Variants in CREB5 observed in about 807,000 individuals in gnomAD.
CREB5 encodes cyclic AMP-responsive element-binding protein 5.
CREB5 carries 19 observed loss-of-function variants against 57.1 expected under a neutral mutation model. That is an observed-to-expected ratio of 0.33 (90% CI 0.23 to 0.49). The LOEUF is 0.49. Among genes scored for constraint, CREB5 ranks in the 20% least tolerant of loss-of-function variants. The pLI, the probability that CREB5 is intolerant of heterozygous loss-of-function variation, is 0.99. For synonymous variants in CREB5, 238 were observed against 238.3 expected, an observed-to-expected ratio of 1.00 and a Z score of 0.01; for missense variants, 579 against 671.6, an observed-to-expected ratio of 0.86 and a Z score of 1.52.
intron 5 of CREB5, among the ~76,000 whole-genome samples, chr7:28,655,897 T>G (rs1343071966): frequency 1.3e-5 from 2 of 152,178 alleles, no homozygotes; most frequent in Non-Finnish European, 2.9e-5. Context: ...CTGAGCTTTG[T>G]GCAGAGACTA....
chr7:28,391,094 G>A (rs1419391468), intron 1 of CREB5, among the ~76,000 whole-genome samples: 1 of 152,066 alleles, frequency 6.6e-6, no homozygotes, highest in Non-Finnish European at 1.5e-5. Flanking sequence ...CTAGCACATT[G>A]GCTATTCGTT....
intron 1 of CREB5, among the ~76,000 whole-genome samples, chr7:28,373,431 TTTTTTTC>T (rs1254114355): frequency 1.6e-5 from 2 of 126,530 alleles, no homozygotes; most frequent in Admixed American, 9.2e-5. Context: ...CTTCTTTTTC[TTTTTTTC>T]TTTTTTCTTT....
intron 1 of CREB5, among the ~76,000 whole-genome samples, chr7:28,485,294 G>A (rs1251791119): frequency 6.6e-6 from 1 of 151,930 alleles, no homozygotes; most frequent in Non-Finnish European, 1.5e-5. Context: ...TTCAGATGTA[G>A]GCCATAAATG....
intron 5 of CREB5, among the ~76,000 whole-genome samples, chr7:28,685,692 T>A: frequency 7.0e-6 from 1 of 143,170 alleles, no homozygotes; most frequent in South Asian, 2.2e-4. Flanking sequence ...TTAACCAGTA[T>A]TTTTTTTTTG....
chr7:28,665,535 A>G (rs1037792649), intron 5 of CREB5, among the ~76,000 whole-genome samples: 1 of 152,202 alleles, frequency 6.6e-6, no homozygotes, highest in Admixed American at 6.5e-5. Flanking sequence ...CAAATGCCCT[A>G]GTTTAAATGA....
At chr7:28,662,990 C>G (rs1263921193) in intron 5 of CREB5, among the ~76,000 whole-genome samples, 1 of 151,512 alleles carries the variant, frequency 6.6e-6, no homozygotes, top group African/African-American at 2.4e-5. Flanking sequence ...ACTAAAAATA[C>G]AAAAATTAGC....
intron 1 of CREB5, among the ~76,000 whole-genome samples, chr7:28,434,327 G>A (rs950785644): frequency 6.6e-6 from 1 of 151,982 alleles, no homozygotes; most frequent in African/African-American, 2.4e-5. Flanking sequence ...ATAATGATTC[G>A]ATTATTAATT....
intron 5 of CREB5, among the ~76,000 whole-genome samples, chr7:28,602,638 T>C (rs1468646018): frequency 6.6e-6 from 1 of 152,228 alleles, no homozygotes; most frequent in Non-Finnish European, 1.5e-5. Flanking sequence ...TGATTTCATT[T>C]ATATAACATT....
At chr7:28,473,621 G>T (rs1026890293) in intron 1 of CREB5, among the ~76,000 whole-genome samples, 1 of 152,222 alleles carries the variant, frequency 6.6e-6, no homozygotes, top group African/African-American at 2.4e-5. Flanking sequence ...TCTGACAGAA[G>T]ATGGGGAAGA....
chr7:28,318,989 G>A (rs947697186), intron 1 of CREB5, among the ~76,000 whole-genome samples: 4 of 152,128 alleles, frequency 2.6e-5, no homozygotes, highest in Admixed American at 6.5e-5. Flanking sequence ...CAAGCAATTC[G>A]ACTAAAGGAA....
chr7:28,530,529 A>G (rs1793679695), intron 4 of CREB5, among the ~76,000 whole-genome samples: 1 of 152,248 alleles, frequency 6.6e-6, no homozygotes, highest in South Asian at 2.1e-4. Flanking sequence ...CTTTGGGGAA[A>G]CAAGCCATTA....
chr7:28,790,461 ATAGAGAGAGAGAG>A (rs1807621135), intron 7 of CREB5, among the ~76,000 whole-genome samples: 1 of 32,898 alleles, frequency 3.0e-5, no homozygotes, highest in Non-Finnish European at 7.1e-5. Context: ...AGAGAGAGAG[ATAGAGAGAGAGAG>A]AAAGAAAGAA....
chr7:28,795,533 T>G (rs1807978699), intron 7 of CREB5, among the ~76,000 whole-genome samples: 1 of 152,232 alleles, frequency 6.6e-6, no homozygotes, highest in South Asian at 2.1e-4. Context: ...GCATTGACTT[T>G]GGTCATTGTA....
At chr7:28,325,380 G>T (rs904519549) in intron 1 of CREB5, among the ~76,000 whole-genome samples, 1 of 151,864 alleles carries the variant, frequency 6.6e-6, no homozygotes, top group East Asian at 1.9e-4. Context: ...GCGTGAACCC[G>T]GGAGGCAGAG....
chr7:28,670,882 G>T (rs1005427085), intron 5 of CREB5, among the ~76,000 whole-genome samples: 1 of 152,044 alleles, frequency 6.6e-6, no homozygotes, highest in Admixed American at 6.5e-5. Context: ...TTTAAATAGA[G>T]ACAGGGTCTC....
At chr7:28,535,761 A>G (rs1157203858) in intron 4 of CREB5, among the ~76,000 whole-genome samples, 1 of 152,118 alleles carries the variant, frequency 6.6e-6, no homozygotes, top group Non-Finnish European at 1.5e-5. Flanking sequence ...TGATGTGGTG[A>G]GCATGAATTT....
chr7:28,740,839 C>A (rs1804286450), intron 7 of CREB5, among the ~76,000 whole-genome samples: 1 of 151,902 alleles, frequency 6.6e-6, no homozygotes, highest in Non-Finnish European at 1.5e-5. Context: ...TTATTTTTTT[C>A]ATTGTTACTT....
In CREB5 at chr7:28,528,658, C is replaced by T. The variant is rs367862546; in HGVS notation, c.291+20921C>T. ...GGTGGAGGTTGCAGTGAGCCGAGAT[C>T]GCGCCATTGCACTCCAGCCTGGGCA... On this transcript the variant is annotated intron_variant, in intron 4 of 10. Coordinates refer to ENST00000357727, the MANE Select transcript of CREB5 (RefSeq NM_182898.4). Among the ~76,000 whole-genome samples the T allele has an allele frequency of 3.5e-4, 49 of 141,452 alleles. No homozygotes were observed. In the South Asian group the frequency reaches 0.01, roughly 30 times the overall value. The allele number at this position is 141,452 out of a possible 152,430, so 92.8% of individuals were successfully genotyped here.
intron 5 of CREB5, among the ~76,000 whole-genome samples, chr7:28,694,428 C>G (rs1234402032): frequency 6.7e-6 from 1 of 149,904 alleles, no homozygotes; most frequent in Non-Finnish European, 1.5e-5. Context: ...TTTGCCATTT[C>G]CTTCCTCTGA....
Sources: gnomAD v4.1 joint callset for allele counts (sites outside exome capture counted in the v4.1 genomes callset) on GRCh38, gnomAD v4.1.1 for gene constraint, MANE v1.5 for transcripts, NCBI Gene and HGNC (gene_info 2026-07-23, HGNC 2026-07-21) for gene names.